RAB11FIP3: variants seen among roughly 807,000 people sequenced by gnomAD.
RAB11FIP3 encodes the protein rab11 family-interacting protein 3.
A neutral mutation model predicts 77.8 loss-of-function variants in RAB11FIP3; 17 were observed. That is an observed-to-expected ratio of 0.22 (90% CI 0.15 to 0.33). RAB11FIP3 has a LOEUF of 0.33. Among genes scored for constraint, RAB11FIP3 ranks in the 10% least tolerant of loss-of-function variants. RAB11FIP3 has a pLI of 1.00. For missense variants in RAB11FIP3, 1,005 were observed against 1,011.2 expected (o/e 0.99, Z 0.08); for synonymous variants, 437 against 448.2 (o/e 0.98, Z 0.31).
intron 6 of RAB11FIP3, among the ~76,000 whole-genome samples, chr16:500,004 G>T (rs570561122): frequency 6.6e-6 from 1 of 152,186 alleles, no homozygotes; most frequent in Admixed American, 6.5e-5. Flanking sequence ...AGCCCTTCGC[G>T]CTGAACTATT....
chr16:487,135 T>C (rs1453984275), intron 4 of RAB11FIP3, among the ~76,000 whole-genome samples: 2 of 149,946 alleles, frequency 1.3e-5, no homozygotes, highest in Admixed American at 1.3e-4. Context: ...TGGTTTCTTT[T>C]TTTTTTTTTT....
intron 1 of RAB11FIP3, among the ~76,000 whole-genome samples, chr16:434,960 C>T (rs1024951580): frequency 1.3e-5 from 2 of 152,142 alleles, no homozygotes; most frequent in Admixed American, 1.3e-4. Context: ...AATCCCAGCA[C>T]TTTGGGAGGC....
At chr16:487,913 A>G (rs2385130) in intron 4 of RAB11FIP3, among the ~76,000 whole-genome samples, 85,819 of 151,932 alleles carry the variant, frequency 0.56, 24,453 homozygotes, top group Middle Eastern at 0.67. Flanking sequence ...TGAGGACAGC[A>G]GCTCCCTAGG....
At position 507,937 on chromosome 16, in the gene RAB11FIP3, G is replaced by C. The variant is rs1403784682; in HGVS notation, c.1499+2310G>C. Among the ~76,000 whole-genome samples the C allele has an allele frequency of 6.6e-6, 1 of 152,184 alleles. No homozygotes were observed. Among genetic ancestry groups the C allele is most frequent in the Non-Finnish European group, 1.5e-5 (1 of 68,046 alleles). ...TTTCAGTATCATCTGCCCGTTCTGA[G>C]CCATTTGCTCTCTAGCTGTGCCGTA... On this transcript the variant is annotated intron_variant, in intron 8 of 13. Transcript: ENST00000262305. The surrounding 1 kb of genome is among the most constrained non-coding windows in gnomAD (Gnocchi z 4.6).
rs915384712 is a variant in RAB11FIP3, at chr16:488,273, G to A, written c.1116-578G>A. Among the ~76,000 whole-genome samples the A allele has an allele frequency of 3.9e-5, 6 of 152,130 alleles. No homozygotes were observed. The East Asian group carries it at 5.8e-4, about 15-fold the overall frequency. ...CGGGCGCCTGTAGTCCCAGCTACTC[G>A]GGAGGTGGAGGCAGGAGAATGACGT... On this transcript the variant is annotated intron_variant, in intron 4 of 13. Coordinates refer to ENST00000262305, the MANE Select transcript of RAB11FIP3 (RefSeq NM_014700.4).
At chr16:443,979 G>C (rs1277947338) in intron 1 of RAB11FIP3, among the ~76,000 whole-genome samples, 2 of 152,190 alleles carry the variant, frequency 1.3e-5, no homozygotes, top group Non-Finnish European at 2.9e-5. Context: ...GTTTCAGTTT[G>C]TATTTCCTGG....
intron 6 of RAB11FIP3, chr16:497,196 C>A: frequency 8.9e-7 from 1 of 1,127,074 alleles, no homozygotes; most frequent in Non-Finnish European, 1.2e-6. Context: ...AGGAGCCTGG[C>A]TTCTCAGAGC....
rs779423091 is a variant in RAB11FIP3 at position 471,820 on chromosome 16, C to T, written c.903+431C>T. On this transcript the variant is annotated intron_variant, in intron 3 of 13. Coordinates refer to ENST00000262305, the MANE Select transcript of RAB11FIP3 (RefSeq NM_014700.4). The surrounding 1 kb of genome is among the most constrained non-coding windows in gnomAD (Gnocchi z 4.4). Reference sequence around the variant, plus strand: ...GATGCAGCCAGGGTTGTCATGGTGACGTGGCGTCTCCTGTGTCTCCTGTCA... The same window carrying T: ...GATGCAGCCAGGGTTGTCATGGTGATGTGGCGTCTCCTGTGTCTCCTGTCA... 7.2e-5 allele frequency among the ~76,000 whole-genome samples: 11 copies of T among 152,144 alleles called. No individual in the cohort carries two copies. Among genetic ancestry groups the T allele is most frequent in the East Asian group, 1.9e-4 (1 of 5,186 alleles).
chr16:443,267 C>T (rs999921077), intron 1 of RAB11FIP3, among the ~76,000 whole-genome samples: 2 of 152,070 alleles, frequency 1.3e-5, no homozygotes, highest in Admixed American at 6.6e-5. Context: ...TGTTGGCTTG[C>T]GAGTGCCTTT....
rs936197912 is a variant in RAB11FIP3 at position 497,540 on chromosome 16, G to C, written c.1301+681G>C. On this transcript the variant is annotated intron_variant, in intron 6 of 13. Coordinates refer to ENST00000262305, the MANE Select transcript of RAB11FIP3 (RefSeq NM_014700.4). ...GGCAGGGCTGGGAGACGCCTCTCCA[G>C]CTTCCTCTGGAGCATCCCCTCTGGA... 10 of 1,080,222 alleles carry C rather than the reference G, an allele frequency of 9.3e-6. No individual in the cohort carries two copies. In the Admixed American group the frequency reaches 1.2e-4, roughly 13 times the overall value. The allele number at this position is 1,080,222 out of a possible 1,614,324, so 66.9% of individuals were successfully genotyped here.
At chr16:428,100 C>A (rs1179243148) in intron 1 of RAB11FIP3, among the ~76,000 whole-genome samples, 17 of 143,764 alleles carry the variant, frequency 1.2e-4, no homozygotes, top group East Asian at 2.1e-4. Context: ...GACTTCGTCT[C>A]AAAAAAAAAA....
rs1767316405 is a variant in RAB11FIP3 at position 522,006 on chromosome 16, A to G, written c.*1167A>G. The G allele has an allele frequency of 1.0e-5, 1 of 95,336 alleles. No homozygotes were observed. The highest frequency in any genetic ancestry group is 3.4e-4 in the South Asian group (1 of 2,938). The allele number at this position is 95,336 out of a possible 1,614,324, so 5.9% of individuals were successfully genotyped here. On this transcript the variant is annotated 3_prime_UTR_variant, in exon 14 of 14. Transcript: ENST00000262305. ...CCGGGTGGGCCCAGACCCCATCACC[A>G]AGACTGGCCACCCGCTGCGTGTGTG...
chr16:501,798 GTT>G (rs2031543975), intron 6 of RAB11FIP3, among the ~76,000 whole-genome samples: 1 of 150,032 alleles, frequency 6.7e-6, no homozygotes, highest in Non-Finnish European at 1.5e-5. Flanking sequence ...AGGCAAGGAA[GTT>G]CAGAGAGGGT....
At chr16:498,205 GCT>G (rs2031282531) in intron 6 of RAB11FIP3, among the ~76,000 whole-genome samples, 2 of 152,116 alleles carry the variant, frequency 1.3e-5, no homozygotes, top group South Asian at 4.1e-4. Context: ...ACATTGTCTT[GCT>G]CTGTCACCTG....
intron 1 of RAB11FIP3, among the ~76,000 whole-genome samples, chr16:436,202 C>G (rs1475885917): frequency 6.6e-6 from 1 of 152,058 alleles, no homozygotes; most frequent in Admixed American, 6.5e-5. Flanking sequence ...TCCAGCTACT[C>G]GGGGGTTGAG....
chr16:501,091 C>T (rs903462836), intron 6 of RAB11FIP3, among the ~76,000 whole-genome samples: 2 of 152,242 alleles, frequency 1.3e-5, no homozygotes, highest in Admixed American at 1.3e-4. Context: ...GGGCTTGTCT[C>T]CTCAGAGCGT....
At chr16:478,616 A>T (rs1231863228) in intron 3 of RAB11FIP3, among the ~76,000 whole-genome samples, 3 of 152,158 alleles carry the variant, frequency 2.0e-5, no homozygotes, top group Non-Finnish European at 4.4e-5. Context: ...TGAGCATGAA[A>T]TGTTGGCCAC....
intron 9 of RAB11FIP3, among the ~76,000 whole-genome samples, chr16:512,167 G>A (rs979727970): frequency 1.3e-5 from 2 of 152,226 alleles, no homozygotes; most frequent in African/African-American, 2.4e-5. Flanking sequence ...GACGCTGTGC[G>A]GGTGCTGGTT....
At position 509,978 on chromosome 16, in the gene RAB11FIP3, C is replaced by T. The variant is rs539410583; in HGVS notation, c.1500-682C>T. ...GCGGACCACGTGCTCATCAGACACT[C>T]ACTTCCTGGAAATGCTGTGGCCCTT... On this transcript the variant is annotated intron_variant, in intron 8 of 13. Coordinates refer to ENST00000262305, the MANE Select transcript of RAB11FIP3 (RefSeq NM_014700.4). 2.6e-5 allele frequency among the ~76,000 whole-genome samples: 4 copies of T among 152,366 alleles called. No homozygotes were observed. The South Asian group carries it at 8.3e-4, about 32-fold the overall frequency.
Sources: gnomAD v4.1 joint callset for allele counts (sites outside exome capture counted in the v4.1 genomes callset) on GRCh38, gnomAD v4.1.1 for gene constraint, Gnocchi (gnomAD v3.1) non-coding constraint, MANE v1.5 for transcripts, NCBI Gene and HGNC (gene_info 2026-07-23, HGNC 2026-07-21) for gene names.